SLC9A3: variants seen among roughly 807,000 people sequenced by gnomAD.
SLC9A3 encodes solute carrier family 9 member A3.
A neutral mutation model predicts 86.8 loss-of-function variants in SLC9A3; 37 were observed. The ratio of observed to expected loss-of-function variants is 0.43; its 90% CI spans 0.33 to 0.56. The LOEUF is 0.56. Ranked by LOEUF, SLC9A3 falls within the 20% of genes least tolerant of loss-of-function variation. The pLI is 0.06. For missense variants in SLC9A3, 1,011 were observed against 1,171.9 expected (o/e 0.86, Z 2.00); for synonymous variants, 581 against 528.3 (o/e 1.10, Z -1.37).
rs1738374303 is a variant in SLC9A3 at position 471,848 on chromosome 5, T to C, written c.*1531A>G. On this transcript the variant is annotated 3_prime_UTR_variant, in exon 17 of 17. Coordinates refer to ENST00000264938, the MANE Select transcript of SLC9A3 (RefSeq NM_004174.4). The stretch of plus-strand genomic sequence containing the variant: ...CCTTTTTCACAACAGTAAAAAGCTA[T>C]CAATGGGAAATTGTGGACTTTTCCC... 1 of 456,484 alleles carries C rather than the reference T, an allele frequency of 2.2e-6. No homozygotes were observed. The highest frequency in any genetic ancestry group is 2.0e-5 in the African/African-American group (1 of 50,062). The allele number at this position is 456,484 out of a possible 1,614,324, so 28.3% of individuals were successfully genotyped here. A position where few individuals can be genotyped will look rare whatever the true frequency, so the allele number is the denominator to read the frequency against.
rs1400203488 is a variant in SLC9A3 at position 496,400 on chromosome 5, C to G, written c.212-4329G>C. Among the ~76,000 whole-genome samples the G allele has an allele frequency of 6.6e-6, 1 of 152,234 alleles. No homozygotes were observed. Among genetic ancestry groups the G allele is most frequent in the East Asian group, 1.9e-4 (1 of 5,196 alleles). ...CCTGAGGGGCCCAACCTAACAGCCT[C>G]TGACGACCTGTGGGTGACGCGTGAA... On this transcript the variant is annotated intron_variant, in intron 1 of 16. Transcript: ENST00000264938. The surrounding 1 kb of genome is among the most constrained non-coding windows in gnomAD (Gnocchi z 4.7).
In SLC9A3 at chr5:491,593, G is replaced by C. The variant is rs889476534; in HGVS notation, c.514+176C>G. ...AGAACACGTGCTGGGACCTGGGGAC[G>C]CGCAGGGGACTGGCCTTGGTCACGA... is the stretch of plus-strand genomic sequence containing the variant. On this transcript the variant is annotated intron_variant, in intron 2 of 16. Coordinates refer to ENST00000264938, the MANE Select transcript of SLC9A3 (RefSeq NM_004174.4). This position sits in a 1 kb window ranked among gnomAD's most constrained non-coding sequence, Gnocchi z 9.2. Among the ~76,000 whole-genome samples the C allele has an allele frequency of 6.6e-6, 1 of 152,100 alleles. No homozygotes were observed. Among genetic ancestry groups the C allele is most frequent in the Non-Finnish European group, 1.5e-5 (1 of 68,020 alleles).
intron 4 of SLC9A3, 130 bp downstream of exon 4, chr5:485,023 C>T (rs987512030): frequency 1.4e-5 from 10 of 734,484 alleles, no homozygotes; most frequent in Non-Finnish European, 2.2e-5. Flanking sequence ...GGGGACGTGA[C>T]GTGGACAGAA....
In SLC9A3 at chr5:496,615, C is replaced by T. The variant is rs75658149; in HGVS notation, c.212-4544G>A. Among the ~76,000 whole-genome samples, 16,600 of 152,240 alleles carry T rather than the reference C, an allele frequency of 0.11. 1,135 individuals are homozygous for T. Among genetic ancestry groups the T allele is most frequent in the Admixed American group, 0.17 (2,648 of 15,290 alleles). ...CTTCTGTCATTTTGCTCCATGCGAA[C>T]GTCTTTTCTTTTTATAGTTAAATTT... On this transcript the variant is annotated intron_variant, in intron 1 of 16. Transcript: ENST00000264938. The surrounding 1 kb of genome is among the most constrained non-coding windows in gnomAD (Gnocchi z 4.7).
rs754078491 is a variant in SLC9A3, at chr5:484,701, G to T, written c.755-4C>A. The T allele has an allele frequency of 1.9e-6, 3 of 1,612,454 alleles. No individual in the cohort carries two copies. The highest frequency in any genetic ancestry group is 1.3e-5 in the African/African-American group (1 of 75,066). ...AGGCTCACCACGAAGAAGGACACTGGGTAGAGGACGCCCTTTGTGGCCGTG... is the reference window on the plus strand; with the variant it reads ...AGGCTCACCACGAAGAAGGACACTGTGTAGAGGACGCCCTTTGTGGCCGTG... On this transcript the variant is annotated splice_region_variant and splice_polypyrimidine_tract_variant and intron_variant, in intron 4 of 16. Coordinates refer to ENST00000264938, the MANE Select transcript of SLC9A3 (RefSeq NM_004174.4).
chr5:473,288 G>C lies in SLC9A3; in HGVS notation c.*91C>G, dbSNP rs1304470301. Reference sequence around the variant, plus strand: ...CTCGCGGTCGCTGTAGCCGCGCGGGGATCTGGGGTTTCTCTGGGACAGCGG... The same window carrying C: ...CTCGCGGTCGCTGTAGCCGCGCGGGCATCTGGGGTTTCTCTGGGACAGCGG... On this transcript the variant is annotated 3_prime_UTR_variant, in exon 17 of 17. Transcript: ENST00000264938. 7.7e-7 allele frequency: 1 copy of C among 1,293,646 alleles called. No homozygotes were observed. The highest frequency in any genetic ancestry group is 9.9e-7 in the Non-Finnish European group (1 of 1,006,080). The allele number at this position is 1,293,646 out of a possible 1,614,324, so 80.1% of individuals were successfully genotyped here. A position where few individuals can be genotyped will look rare whatever the true frequency, so the allele number is the denominator to read the frequency against.
Position 476,050 on chromosome 5 carries a change from G to T in SLC9A3, c.2110C>A (p.Pro704Thr). 4.3e-6 allele frequency: 7 copies of T among 1,613,246 alleles called. No homozygotes were observed. The highest frequency in any genetic ancestry group is 5.9e-6 in the Non-Finnish European group (7 of 1,179,850). ...TCCTTGATGGTGAAATTCTGCGCAGGGCTCTCCATGGGCAGCTTCCCATTG... is the reference window on the plus strand; with the variant it reads ...TCCTTGATGGTGAAATTCTGCGCAGTGCTCTCCATGGGCAGCTTCCCATTG... ...IPNGKLPMES[P>T]AQNFTIKEKD... The change falls in exon 14 of 17, where the codon CCT becomes ACT. Residue 704 changes from proline (P) to threonine (T), a missense_variant. By Grantham distance (38) the Pro-to-Thr change is conservative. Coordinates refer to ENST00000264938, the MANE Select transcript of SLC9A3 (RefSeq NM_004174.4).
At chr5:487,731 G>A (rs1241091393) in intron 3 of SLC9A3, among the ~76,000 whole-genome samples, 4 of 152,232 alleles carry the variant, frequency 2.6e-5, no homozygotes, top group African/African-American at 7.2e-5. Flanking sequence ...GCGATGGCAC[G>A]ATCTCGGCTC....
At chr5:476,425 T>C in intron 12 of SLC9A3, 47 bp from the exon 13 acceptor site, 1 of 1,608,864 alleles carries the variant, frequency 6.2e-7, no homozygotes, top group South Asian at 1.1e-5. Context: ...CCGCCGGACA[T>C]TCTCGCCCTC....
chr5:502,013 G>A (rs940295129), intron 1 of SLC9A3, among the ~76,000 whole-genome samples: 3 of 152,280 alleles, frequency 2.0e-5, no homozygotes, highest in African/African-American at 4.8e-5. Context: ...ACAACAGCCC[G>A]TTCAGGACTG....
chr5:492,054 T>C lies in SLC9A3; in HGVS notation c.229A>G (p.Lys77Glu). 11 of 1,498,944 alleles carry C rather than the reference T, an allele frequency of 7.3e-6. No homozygotes were observed. Among genetic ancestry groups the C allele is most frequent in the African/African-American group, 1.5e-5 (1 of 65,564 alleles). The allele number at this position is 1,498,944 out of a possible 1,614,324, so 92.9% of individuals were successfully genotyped here. Residue 77 changes from lysine to glutamate, a missense_variant, in exon 2 of 17, where the codon AAG (lysine) becomes GAG (glutamate). Physicochemically the swap from Lys to Glu is moderately conservative, Grantham distance 56 (BLOSUM62 1). Coordinates refer to ENST00000264938, the MANE Select transcript of SLC9A3 (RefSeq NM_004174.4). The part of the protein sequence containing the change: ...LAKIGFHLSH[K>E]VTSVVPESAL... ...CTCTCGGGAACCACGCTGGTGACCT[T>C]GTGGGACAGGTGGAACCCTGTGGGG...
intron 2 of SLC9A3, among the ~76,000 whole-genome samples, chr5:490,306 C>T (rs930461266): frequency 5.1e-5 from 4 of 79,000 alleles, no homozygotes; most frequent in Admixed American, 1.1e-4. Flanking sequence ...TAGAGTCCAG[C>T]GTGGCGAGGG....
rs908185210 is a variant in SLC9A3, at chr5:496,566, G to A, written c.212-4495C>T. Among the ~76,000 whole-genome samples, 1 of 152,222 alleles carries A rather than the reference G, an allele frequency of 6.6e-6. No individual in the cohort carries two copies. Among genetic ancestry groups the A allele is most frequent in the Non-Finnish European group, 1.5e-5 (1 of 68,048 alleles). On this transcript the variant is annotated intron_variant, in intron 1 of 16. Transcript: ENST00000264938. This position sits in a 1 kb window ranked among gnomAD's most constrained non-coding sequence, Gnocchi z 4.7. ...CAGGTAGATTTTCACTTTCAAAAAT[G>A]TTGCTCTCATCTTTCCACTTTGTCT...
chr5:517,260 C>CTCAT lies in SLC9A3; in HGVS notation c.211+6848_211+6851dup, dbSNP rs1188382587. ...ATCCATCTGTCCATTCACTCACTCA[C>CTCAT]TCATTCATCCATCCATTCACTCATC... On this transcript the variant is annotated intron_variant, in intron 1 of 16. Transcript: ENST00000264938. Among the ~76,000 whole-genome samples the CTCAT allele has an allele frequency of 1.5e-3, 34 of 22,474 alleles. No homozygotes were observed. The East Asian group carries it at 0.016, about 11-fold the overall frequency. The allele number at this position is 22,474 out of a possible 152,430, so 14.7% of individuals were successfully genotyped here.
At chr5:515,341 G>C (rs78069420) in intron 1 of SLC9A3, among the ~76,000 whole-genome samples, 2,367 of 152,100 alleles carry the variant, frequency 0.016, 58 homozygotes, top group African/African-American at 0.054. Context: ...CCTGTGGACG[G>C]TGCACACACG....
chr5:524,337 C>T lies in SLC9A3; in HGVS notation c.-15G>A, dbSNP rs1185621750. 1 of 1,181,292 alleles carries T rather than the reference C, an allele frequency of 8.5e-7. No homozygotes were observed. Among genetic ancestry groups the T allele is most frequent in the Non-Finnish European group, 1.1e-6 (1 of 941,600 alleles). The allele number at this position is 1,181,292 out of a possible 1,614,324, so 73.2% of individuals were successfully genotyped here. On this transcript the variant is annotated 5_prime_UTR_variant, in exon 1 of 17. Transcript: ENST00000264938. ...AGTCCCCACATTGCCGCCTGCTCAG[C>T]GCAGGGCTGGGACGCGCATGTCGCG...
rs541248673 is a variant in SLC9A3, at chr5:488,588, C to G, written c.515-112G>C. The stretch of plus-strand genomic sequence containing the variant: ...GGTTCGGAGCCCGTCTGGCTGGCGC[C>G]GGTGGCGTGGGGAGCTGGGTCAGCT... On this transcript the variant is annotated intron_variant, in intron 2 of 16. Transcript: ENST00000264938. The G allele has an allele frequency of 5.3e-6, 6 of 1,134,778 alleles. No individual in the cohort carries two copies. In the African/African-American group the frequency reaches 9.6e-5, roughly 18 times the overall value. 70.3% of individuals were successfully genotyped at this position (1,134,778 alleles called of 1,614,324 possible).
At position 508,459 on chromosome 5, in the gene SLC9A3, G is replaced by A. The variant is rs1173501388; in HGVS notation, c.211+15653C>T. Among the ~76,000 whole-genome samples the A allele has an allele frequency of 2.1e-5, 3 of 144,624 alleles. No homozygotes were observed. The East Asian group carries it at 6.1e-4, about 30-fold the overall frequency. The allele number at this position is 144,624 out of a possible 152,430, so 94.9% of individuals were successfully genotyped here. ...CGCAGCCCATAGCGCGCCTGGGATGGAGATGCCGCAGGGAGACACAGCCCA... is the reference window on the plus strand; with the variant it reads ...CGCAGCCCATAGCGCGCCTGGGATGAAGATGCCGCAGGGAGACACAGCCCA... On this transcript the variant is annotated intron_variant, in intron 1 of 16. Transcript: ENST00000264938.
intron 1 of SLC9A3, among the ~76,000 whole-genome samples, chr5:492,511 T>C (rs1156657988): frequency 6.6e-6 from 1 of 151,632 alleles, no homozygotes; most frequent in East Asian, 1.9e-4. Context: ...GCTGCAGGCA[T>C]CTAAGACCTC....
Sources: allele counts gnomAD v4.1 joint callset (sites outside exome capture counted in the v4.1 genomes callset), GRCh38; gene constraint gnomAD v4.1.1; non-coding constraint Gnocchi (gnomAD v3.1); transcripts MANE v1.5; gene names NCBI Gene and HGNC (gene_info 2026-07-23, HGNC 2026-07-21).